TRAPPC9: variants seen among roughly 807,000 people sequenced by gnomAD.
The protein encoded by TRAPPC9 is IKK2 binding protein.
In TRAPPC9, 83 loss-of-function variants were observed where a neutral mutation model predicts 124.0. The observed-to-expected ratio is 0.67, with a 90% CI of 0.56 to 0.80. The LOEUF is 0.80. Among genes scored for constraint, TRAPPC9 ranks in the 30% least tolerant of loss-of-function variants. The pLI is 0.00. For synonymous variants in TRAPPC9, 638 were observed against 617.5 expected (o/e 1.03, Z -0.49); for missense variants, 1,302 against 1,508.3 (o/e 0.86, Z 2.27).
At chr8:140,034,080 G>A (rs1840726782) in intron 17 of TRAPPC9, among the ~76,000 whole-genome samples, 1 of 152,100 alleles carries the variant, frequency 6.6e-6, no homozygotes, top group African/African-American at 2.4e-5. Flanking sequence ...TGATACACCT[G>A]CTAGGGAATC....
At chr8:139,764,355 C>T (rs1008322533) in intron 21 of TRAPPC9, among the ~76,000 whole-genome samples, 1 of 152,118 alleles carries the variant, frequency 6.6e-6, no homozygotes, top group Admixed American at 6.5e-5. Context: ...GGAGATGCCA[C>T]AACATCTTTG....
intron 17 of TRAPPC9, among the ~76,000 whole-genome samples, chr8:140,047,363 C>A (rs1841670946): frequency 6.6e-6 from 1 of 152,216 alleles, no homozygotes; most frequent in South Asian, 2.1e-4. Flanking sequence ...GTCCGGGTTG[C>A]GCTAAGAGCC....
chr8:139,813,718 C>T (rs1054756932), intron 21 of TRAPPC9, among the ~76,000 whole-genome samples: 2 of 152,204 alleles, frequency 1.3e-5, no homozygotes. Flanking sequence ...CTAATGTGTG[C>T]AAGGCTGCAG....
chr8:140,314,952 C>T (rs1027745964), intron 9 of TRAPPC9, among the ~76,000 whole-genome samples: 11 of 152,342 alleles, frequency 7.2e-5, no homozygotes, highest in Middle Eastern at 3.4e-3. Context: ...TGGATATATG[C>T]TCAGTAGCGG....
Position 140,400,738 on chromosome 8 carries a change from C to T in TRAPPC9, c.1009-2993G>A, listed in dbSNP as rs541662372. 5.9e-5 allele frequency among the ~76,000 whole-genome samples: 9 copies of T among 152,206 alleles called. No individual in the cohort carries two copies. The South Asian group carries it at 8.3e-4, about 14-fold the overall frequency. On this transcript the variant is annotated intron_variant, in intron 6 of 22. Coordinates refer to ENST00000438773, the MANE Select transcript of TRAPPC9 (RefSeq NM_001160372.4). ...AGCCATCCCCACCCCCTCTTACACACCATGTGGCTCCAGACCCGGGAGCAG... is the reference window on the plus strand; with the variant it reads ...AGCCATCCCCACCCCCTCTTACACATCATGTGGCTCCAGACCCGGGAGCAG...
At chr8:139,782,213 C>T (rs376419108) in intron 21 of TRAPPC9, among the ~76,000 whole-genome samples, 1 of 152,140 alleles carries the variant, frequency 6.6e-6, no homozygotes, top group East Asian at 1.9e-4. Flanking sequence ...AACCCTGACT[C>T]TACTAAAAAT....
At chr8:140,428,555 C>T (rs114730921) in intron 4 of TRAPPC9, among the ~76,000 whole-genome samples, 122 of 152,232 alleles carry the variant, frequency 8.0e-4, no homozygotes, top group African/African-American at 2.7e-3. Context: ...AATAACAAAG[C>T]CTCACACCAT....
chr8:140,265,138 G>A (rs1163621355), intron 15 of TRAPPC9, among the ~76,000 whole-genome samples: 3 of 151,940 alleles, frequency 2.0e-5, no homozygotes, highest in Non-Finnish European at 2.9e-5. Flanking sequence ...GCAACAGGCC[G>A]GCCTATTCCA....
At chr8:140,047,492 A>G (rs1204762787) in intron 17 of TRAPPC9, among the ~76,000 whole-genome samples, 1 of 152,144 alleles carries the variant, frequency 6.6e-6, no homozygotes, top group Non-Finnish European at 1.5e-5. Flanking sequence ...AGGCTGAGAG[A>G]ATGGAGAAGA....
chr8:140,084,317 T>C (rs1396546959), intron 17 of TRAPPC9, among the ~76,000 whole-genome samples: 1 of 152,190 alleles, frequency 6.6e-6, no homozygotes, highest in East Asian at 1.9e-4. Context: ...AAATCCTAAA[T>C]AGATAGGGTA....
At chr8:140,296,753 C>T (rs1293123474) in intron 11 of TRAPPC9, among the ~76,000 whole-genome samples, 2 of 152,218 alleles carry the variant, frequency 1.3e-5, no homozygotes, top group Admixed American at 6.5e-5. Context: ...AATCACATGG[C>T]CCATCCTGAG....
chr8:140,008,274 G>A (rs2131833620), intron 18 of TRAPPC9, among the ~76,000 whole-genome samples: 1 of 152,320 alleles, frequency 6.6e-6, no homozygotes, highest in East Asian at 1.9e-4. Flanking sequence ...TGTGACACTG[G>A]TTCCAGTTTG....
rs533506815 is a variant in TRAPPC9, at chr8:140,115,621, C to A, written c.2557-91542G>T. Among the ~76,000 whole-genome samples, 13 of 99,040 alleles carry A rather than the reference C, an allele frequency of 1.3e-4. No individual in the cohort carries two copies. The East Asian group carries it at 3.4e-3, about 26-fold the overall frequency. The allele number at this position is 99,040 out of a possible 152,430, so 65.0% of individuals were successfully genotyped here. On this transcript the variant is annotated intron_variant, in intron 17 of 22. Coordinates refer to ENST00000438773, the MANE Select transcript of TRAPPC9 (RefSeq NM_001160372.4). ...TTTTTTTTCTCCAAATATTTTCAAT[C>A]TATGGTTGCCTGAATCTAAGGATGT...
At chr8:139,994,183 T>C (rs1837821445) in intron 18 of TRAPPC9, among the ~76,000 whole-genome samples, 1 of 152,202 alleles carries the variant, frequency 6.6e-6, no homozygotes, top group Non-Finnish European at 1.5e-5. Flanking sequence ...CCAGGAAGCA[T>C]GTAGAGTAGG....
At chr8:140,105,665 A>C (rs890675215) in intron 17 of TRAPPC9, among the ~76,000 whole-genome samples, 1 of 152,140 alleles carries the variant, frequency 6.6e-6, no homozygotes, top group Non-Finnish European at 1.5e-5. Context: ...TAGATCTAGC[A>C]GTACCTCCTC....
intron 20 of TRAPPC9, among the ~76,000 whole-genome samples, chr8:139,901,417 C>T (rs1831011662): frequency 2.0e-5 from 3 of 152,252 alleles, no homozygotes; most frequent in Admixed American, 1.3e-4. Context: ...AATGCTGATG[C>T]TCTTGCCGCT....
Position 140,221,440 on chromosome 8 carries a change from G to C in TRAPPC9, c.2556+19C>G. On this transcript the variant is annotated intron_variant, in intron 17 of 22. Coordinates refer to ENST00000438773, the MANE Select transcript of TRAPPC9 (RefSeq NM_001160372.4). ...GCCCGAACGGCACGTGGCAGATGCCGTCTGCCATACCAACTCACCTTCACG... is the reference window on the plus strand; with the variant it reads ...GCCCGAACGGCACGTGGCAGATGCCCTCTGCCATACCAACTCACCTTCACG... The C allele has an allele frequency of 6.2e-7, 1 of 1,613,676 alleles. No homozygotes were observed. The highest frequency in any genetic ancestry group is 1.1e-5 in the South Asian group (1 of 91,058).
chr8:140,390,304 C>CTAAA (rs890452752), intron 7 of TRAPPC9, among the ~76,000 whole-genome samples: 26 of 152,174 alleles, frequency 1.7e-4, no homozygotes, highest in East Asian at 7.7e-4. Context: ...GACCCTGTCT[C>CTAAA]TAAATAAATA....
intron 17 of TRAPPC9, among the ~76,000 whole-genome samples, chr8:140,131,858 A>T (rs950957584): frequency 6.6e-6 from 1 of 152,174 alleles, no homozygotes; most frequent in Admixed American, 6.5e-5. Flanking sequence ...TCTGGCCTAA[A>T]GCTTACAGTT....
Sources: allele counts gnomAD v4.1 joint callset (sites outside exome capture counted in the v4.1 genomes callset), GRCh38; gene constraint gnomAD v4.1.1; transcripts MANE v1.5; gene names NCBI Gene and HGNC (gene_info 2026-07-23, HGNC 2026-07-21).